The following STXBP6 variants were observed in gnomAD, a reference collection of about 807,000 sequenced individuals.
STXBP6 encodes syntaxin-binding protein 6.
In STXBP6, 21 loss-of-function variants were observed where a neutral mutation model predicts 26.9. The observed-to-expected ratio is 0.78, with a 90% CI of 0.55 to 1.12. The LOEUF is 1.12. STXBP6 is among the 50% of genes most tolerant of loss of function. The pLI is 0.00. For synonymous variants in STXBP6, 97 were observed against 92.6 expected (o/e 1.05, Z -0.27); for missense variants, 232 against 257.9 (o/e 0.90, Z 0.69).
intron 1 of STXBP6, chr14:24,987,789 G>A (rs1374072723): frequency 1.0e-6 from 1 of 960,596 alleles, no homozygotes; most frequent in Non-Finnish European, 1.2e-6. Flanking sequence ...TTACCCAAGG[G>A]AGATGCAGAG....
At chr14:24,822,777 G>A (rs537051725) in intron 4 of STXBP6, among the ~76,000 whole-genome samples, 2 of 152,146 alleles carry the variant, frequency 1.3e-5, no homozygotes, top group East Asian at 3.9e-4. Flanking sequence ...CTATCTCGGG[G>A]CTAAGTGTTT....
At chr14:24,870,032 G>A (rs749434070) in intron 2 of STXBP6, among the ~76,000 whole-genome samples, 1 of 152,068 alleles carries the variant, frequency 6.6e-6, no homozygotes, top group East Asian at 1.9e-4. Flanking sequence ...TGAGTAACAG[G>A]AACAACCATT....
chr14:24,958,636 T>G (rs1726096401), intron 2 of STXBP6, among the ~76,000 whole-genome samples: 1 of 152,180 alleles, frequency 6.6e-6, no homozygotes, highest in Non-Finnish European at 1.5e-5. Flanking sequence ...AAATACACTT[T>G]TTGTAACTGA....
chr14:24,836,363 G>A (rs927794424), intron 4 of STXBP6, among the ~76,000 whole-genome samples: 5 of 152,184 alleles, frequency 3.3e-5, no homozygotes, highest in South Asian at 4.2e-4. Context: ...TTGGGAGGTC[G>A]AGGCGAGCGG....
chr14:24,879,603 A>G lies in STXBP6; in HGVS notation c.155-22446T>C, dbSNP rs532247297. The stretch of plus-strand genomic sequence containing the variant: ...TCAGGGTTTGTTTGATGGAGATTCT[A>G]TTATGGTCCTAAACCAATTATTTTA... On this transcript the variant is annotated intron_variant, in intron 2 of 5. Transcript: ENST00000323944. Among the ~76,000 whole-genome samples the G allele has an allele frequency of 4.2e-3, 636 of 152,316 alleles. 2 individuals carry two copies. Among genetic ancestry groups the G allele is most frequent in the African/African-American group, 0.014 (602 of 41,576 alleles).
intron 1 of STXBP6, among the ~76,000 whole-genome samples, chr14:25,035,981 A>G (rs1370832343): frequency 1.3e-5 from 2 of 151,610 alleles, no homozygotes; most frequent in Non-Finnish European, 2.9e-5. Context: ...ACTTTGGGAG[A>G]CTGAGGTGGG....
chr14:24,962,346 T>G (rs1054266764), intron 2 of STXBP6, among the ~76,000 whole-genome samples: 3 of 150,482 alleles, frequency 2.0e-5, no homozygotes, highest in Non-Finnish European at 4.4e-5. Flanking sequence ...TTTATTATTT[T>G]TGAGACAGAG....
chr14:25,027,856 C>T (rs905983904), intron 1 of STXBP6, among the ~76,000 whole-genome samples: 3 of 152,286 alleles, frequency 2.0e-5, no homozygotes, highest in Middle Eastern at 3.4e-3. Context: ...ATTGCTGATA[C>T]GAAGAAAATG....
chr14:25,019,868 G>GTT (rs35017131), intron 1 of STXBP6, among the ~76,000 whole-genome samples: 16,231 of 128,110 alleles, frequency 0.13, 1,196 homozygotes, highest in African/African-American at 0.14. Context: ...AGTTTCGTGG[G>GTT]TTTTTTTTTT....
At chr14:24,939,402 T>C (rs1449888843) in intron 2 of STXBP6, among the ~76,000 whole-genome samples, 1 of 152,146 alleles carries the variant, frequency 6.6e-6, no homozygotes, top group Non-Finnish European at 1.5e-5. Context: ...TGAAAGATTT[T>C]AGCAAAAGGT....
At chr14:24,951,603 A>C (rs2073172783) in intron 2 of STXBP6, among the ~76,000 whole-genome samples, 1 of 152,192 alleles carries the variant, frequency 6.6e-6, no homozygotes, top group Admixed American at 6.5e-5. Flanking sequence ...TTTACTTGAA[A>C]AATATATTCT....
intron 1 of STXBP6, among the ~76,000 whole-genome samples, chr14:24,993,910 C>T (rs2074535040): frequency 6.6e-6 from 1 of 152,100 alleles, no homozygotes; most frequent in Admixed American, 6.6e-5. Flanking sequence ...CTGTGGTAGC[C>T]CCTATGAGTT....
Position 24,855,998 on chromosome 14 carries a change from C to A in STXBP6, c.389G>T (p.Cys130Phe), listed in dbSNP as rs756741466. The A allele has an allele frequency of 6.2e-7, 1 of 1,611,514 alleles. No individual in the cohort carries two copies. The highest frequency in any genetic ancestry group is 8.5e-7 in the Non-Finnish European group (1 of 1,178,636). Residue 130 changes from cysteine (C) to phenylalanine (F), a missense_variant, in exon 4 of 6, where the codon TGC becomes TTC. Cys to Phe is a radical substitution (Grantham distance 205). Coordinates refer to ENST00000323944, the MANE Select transcript of STXBP6 (RefSeq NM_001394410.1). ...CTTCCTGTCCGTGAGGTACCTCTGG[C>A]AGGTATGGTGGAGGATCTGGAAGAA... ...CTFFQILHHT[C>F]QRYLTDRKPE...
chr14:24,887,794 C>A (rs957437878), intron 2 of STXBP6, among the ~76,000 whole-genome samples: 9 of 152,218 alleles, frequency 5.9e-5, no homozygotes, highest in African/African-American at 2.2e-4. Context: ...ATGTTGACTG[C>A]AGATGCTTCC....
chr14:24,922,725 G>A (rs1243762177), intron 2 of STXBP6, among the ~76,000 whole-genome samples: 3 of 151,992 alleles, frequency 2.0e-5, no homozygotes, highest in Non-Finnish European at 4.4e-5. Context: ...TCCACCTTAT[G>A]CAGACATAGA....
intron 2 of STXBP6, among the ~76,000 whole-genome samples, chr14:24,867,998 A>G (rs1448095512): frequency 6.6e-6 from 1 of 152,024 alleles, no homozygotes; most frequent in Non-Finnish European, 1.5e-5. Context: ...GGAGCTTGAG[A>G]CCAGCCTGGG....
intron 1 of STXBP6, among the ~76,000 whole-genome samples, chr14:25,048,674 T>C (rs2075760639): frequency 6.6e-6 from 1 of 152,168 alleles, no homozygotes; most frequent in African/African-American, 2.4e-5. Context: ...GCATAATCAT[T>C]TCTGGACCGA....
chr14:24,857,955 T>C (rs940608972), intron 2 of STXBP6, among the ~76,000 whole-genome samples: 6 of 152,164 alleles, frequency 3.9e-5, no homozygotes, highest in Non-Finnish European at 8.8e-5. Context: ...AAGTAATTAA[T>C]TGTCTTTAAA....
intron 2 of STXBP6, among the ~76,000 whole-genome samples, chr14:24,908,561 C>T (rs2071461310): frequency 6.6e-6 from 1 of 152,240 alleles, no homozygotes; most frequent in Non-Finnish European, 1.5e-5. Flanking sequence ...CCACTGTGCT[C>T]TAGACATGCT....
Sources: allele counts gnomAD v4.1 joint callset (sites outside exome capture counted in the v4.1 genomes callset), GRCh38; gene constraint gnomAD v4.1.1; transcripts MANE v1.5; gene names NCBI Gene and HGNC (gene_info 2026-07-23, HGNC 2026-07-21).